LDB2: variants seen among roughly 807,000 people sequenced by gnomAD.
LDB2 encodes the protein LIM domain-binding protein 2.
A neutral mutation model predicts 44.3 loss-of-function variants in LDB2; 12 were observed. The ratio of observed to expected loss-of-function variants is 0.27; its 90% confidence interval spans 0.17 to 0.44. The LOEUF (loss-of-function observed/expected upper bound fraction) is 0.44. Ranked by LOEUF, LDB2 falls within the 20% of genes least tolerant of loss-of-function variation. The probability of loss-of-function intolerance (pLI) is 1.00; values close to 1 mark genes in which losing one functional copy is unlikely to be tolerated. For missense variants in LDB2, 344 were observed against 473.5 expected (o/e 0.73, Z 2.54); for synonymous variants, 164 against 174.8 (o/e 0.94, Z 0.49).
At chr4:16,862,007 C>T (rs1033501081) in intron 1 of LDB2, among the ~76,000 whole-genome samples, 1 of 152,182 alleles carries the variant, frequency 6.6e-6, no homozygotes, top group Non-Finnish European at 1.5e-5. Flanking sequence ...GTTTCTTCCT[C>T]AGGAAGATGG....
intron 5 of LDB2, among the ~76,000 whole-genome samples, chr4:16,564,036 A>G (rs1447272320): frequency 6.6e-6 from 1 of 152,192 alleles, no homozygotes; most frequent in African/African-American, 2.4e-5. Context: ...GCTGGGTCCC[A>G]GGCTCTCTTC....
rs140504968 is a variant in LDB2 at position 16,733,403 on chromosome 4, T to C, written c.235+25755A>G. ...CTTGAGGGCTAGTATCCAGCTGGAA[T>C]GGTTGTCTTGACCTCTGATTCCTGA... On this transcript the variant is annotated intron_variant, in intron 2 of 7. Transcript: ENST00000304523. Among the ~76,000 whole-genome samples, 1,400 of 151,692 alleles carry C rather than the reference T, an allele frequency of 9.2e-3. 13 individuals are homozygous for C. Among genetic ancestry groups the C allele is most frequent in the South Asian group, 0.016 (78 of 4,800 alleles).
chr4:16,856,923 T>TA (rs1422204973), intron 1 of LDB2, among the ~76,000 whole-genome samples: 3 of 152,240 alleles, frequency 2.0e-5, no homozygotes, highest in Admixed American at 2.0e-4. Context: ...TCAGAGACAT[T>TA]AAATATTATA....
intron 1 of LDB2, among the ~76,000 whole-genome samples, chr4:16,840,646 C>T (rs986996193): frequency 6.6e-6 from 1 of 152,206 alleles, no homozygotes; most frequent in Non-Finnish European, 1.5e-5. Flanking sequence ...AATTCTGGCT[C>T]AGTCCCTTGT....
At chr4:16,514,192 C>G (rs966449040) in intron 5 of LDB2, among the ~76,000 whole-genome samples, 2 of 152,192 alleles carry the variant, frequency 1.3e-5, no homozygotes, top group Admixed American at 1.3e-4. Context: ...TTTCCTGTAT[C>G]TTTGGGTCTT....
intron 5 of LDB2, among the ~76,000 whole-genome samples, chr4:16,560,627 C>G (rs899401829): frequency 2.6e-5 from 4 of 152,162 alleles, no homozygotes; most frequent in Admixed American, 6.5e-5. Flanking sequence ...CAGCCGAATT[C>G]TACCAGAGGT....
At chr4:16,754,513 A>G (rs989434187) in intron 2 of LDB2, among the ~76,000 whole-genome samples, 1 of 151,630 alleles carries the variant, frequency 6.6e-6, no homozygotes, top group African/African-American at 2.4e-5. Flanking sequence ...TTCACAAGCC[A>G]GTGATGGCAG....
chr4:16,681,988 C>T (rs1748068064), intron 2 of LDB2, among the ~76,000 whole-genome samples: 1 of 152,086 alleles, frequency 6.6e-6, no homozygotes, highest in African/African-American at 2.4e-5. Flanking sequence ...GGACGGGTGC[C>T]TATTTATAAA....
chr4:16,848,877 C>T (rs945225350), intron 1 of LDB2, among the ~76,000 whole-genome samples: 4 of 152,144 alleles, frequency 2.6e-5, no homozygotes, highest in African/African-American at 9.7e-5. Context: ...AAAGAGCCTC[C>T]TCAATCATCC....
intron 2 of LDB2, among the ~76,000 whole-genome samples, chr4:16,684,066 T>C (rs1198955039): frequency 6.6e-6 from 1 of 152,240 alleles, no homozygotes; most frequent in African/African-American, 2.4e-5. Flanking sequence ...GGCAGCCAGC[T>C]GGCAGCAACT....
intron 2 of LDB2, among the ~76,000 whole-genome samples, chr4:16,612,282 C>A (rs1478201487): frequency 6.6e-6 from 1 of 152,046 alleles, no homozygotes; most frequent in Non-Finnish European, 1.5e-5. Context: ...CAAATCGACA[C>A]CCTAACATCA....
chr4:16,629,485 A>C (rs1731264581), intron 2 of LDB2, among the ~76,000 whole-genome samples: 1 of 152,132 alleles, frequency 6.6e-6, no homozygotes, highest in Non-Finnish European at 1.5e-5. Context: ...ATACCCACGC[A>C]AACAGGGCCT....
chr4:16,552,289 C>A (rs550812377), intron 5 of LDB2, among the ~76,000 whole-genome samples: 4 of 152,250 alleles, frequency 2.6e-5, no homozygotes, highest in Non-Finnish European at 4.4e-5. Context: ...GTGTACAAAG[C>A]ATTAAAAAAT....
intron 2 of LDB2, among the ~76,000 whole-genome samples, chr4:16,711,948 A>T (rs900542856): frequency 6.6e-6 from 1 of 152,228 alleles, no homozygotes; most frequent in Non-Finnish European, 1.5e-5. Flanking sequence ...TTTAAAGTGG[A>T]TCAGAAACCT....
chr4:16,700,205 C>T (rs1194622402), intron 2 of LDB2, among the ~76,000 whole-genome samples: 2 of 152,270 alleles, frequency 1.3e-5, no homozygotes, highest in East Asian at 1.9e-4. Context: ...GGCTACTCAA[C>T]CTGTAATAAT....
chr4:16,875,518 A>G (rs1718099968), intron 1 of LDB2, among the ~76,000 whole-genome samples: 1 of 152,242 alleles, frequency 6.6e-6, no homozygotes. Flanking sequence ...TTATTTTTAA[A>G]AATCAACTGC....
chr4:16,791,510 A>G (rs1255950540), intron 1 of LDB2, among the ~76,000 whole-genome samples: 1 of 130,540 alleles, frequency 7.7e-6, no homozygotes, highest in Non-Finnish European at 1.6e-5. Flanking sequence ...AGCTGAGGTC[A>G]TGCCTCAGCA....
At chr4:16,672,250 A>G (rs530348885) in intron 2 of LDB2, among the ~76,000 whole-genome samples, 1 of 152,340 alleles carries the variant, frequency 6.6e-6, no homozygotes, top group South Asian at 2.1e-4. Flanking sequence ...GCAGAAATCT[A>G]TTAGAAGCCA....
chr4:16,664,878 A>C (rs1742600346), intron 2 of LDB2, among the ~76,000 whole-genome samples: 2 of 152,230 alleles, frequency 1.3e-5, no homozygotes, highest in South Asian at 4.1e-4. Flanking sequence ...GAACTGCAAG[A>C]GGGAGAGGGT....
Sources: allele counts gnomAD v4.1 joint callset (sites outside exome capture counted in the v4.1 genomes callset), GRCh38; gene constraint gnomAD v4.1.1; transcripts MANE v1.5; gene names NCBI Gene and HGNC (gene_info 2026-07-23, HGNC 2026-07-21).